CSNK1G1: variants seen among roughly 807,000 people sequenced by gnomAD.
CSNK1G1 encodes casein kinase 1 gamma 1.
In CSNK1G1, 22 loss-of-function variants were observed where a neutral mutation model predicts 59.6. The ratio of observed to expected loss-of-function variants is 0.37; its 90% CI spans 0.26 to 0.53. The LOEUF is 0.53. Among genes scored for constraint, CSNK1G1 ranks in the 20% least tolerant of loss-of-function variants. The probability of loss-of-function intolerance (pLI) is 0.89; values close to 1 mark genes in which losing one functional copy is unlikely to be tolerated. For missense variants in CSNK1G1, 384 were observed against 519.5 expected (o/e 0.74, Z 2.54); for synonymous variants, 179 against 177.1 (o/e 1.01, Z -0.08).
chr15:64,326,424 A>G lies in CSNK1G1; in HGVS notation c.-224-25701T>C, dbSNP rs148365863. Among the ~76,000 whole-genome samples, 1,278 of 152,196 alleles carry G rather than the reference A, an allele frequency of 8.4e-3. 19 individuals carry two copies. Among genetic ancestry groups the G allele is most frequent in the African/African-American group, 0.029 (1,200 of 41,542 alleles). On this transcript the variant is annotated intron_variant, in intron 1 of 11. Transcript: ENST00000303052. ...TTTGAGAGGCCGAGGTGCGCAGATC[A>G]CCCGAGGTCAGGAGTTCGAGATCAG... is the stretch of plus-strand genomic sequence containing the variant.
chr15:64,238,518 A>AAT (rs1212005568), intron 4 of CSNK1G1, among the ~76,000 whole-genome samples: 2,935 of 48,856 alleles, frequency 0.06, 187 homozygotes, highest in East Asian at 0.071. Flanking sequence ...AAAAAAAAAA[A>AAT]ATATATATAT....
chr15:64,325,730 A>T (rs1896803013), intron 1 of CSNK1G1, among the ~76,000 whole-genome samples: 1 of 152,234 alleles, frequency 6.6e-6, no homozygotes, highest in African/African-American at 2.4e-5. Flanking sequence ...AAGACACTTC[A>T]CTTGGACTAT....
chr15:64,249,692 T>TCC (rs749317632), intron 4 of CSNK1G1, among the ~76,000 whole-genome samples: 4 of 152,194 alleles, frequency 2.6e-5, no homozygotes, highest in Non-Finnish European at 2.9e-5. Context: ...GAAAAGCAAT[T>TCC]TGTATAGTCA....
intron 4 of CSNK1G1, among the ~76,000 whole-genome samples, chr15:64,230,300 T>G (rs1005803634): frequency 1.3e-5 from 2 of 151,734 alleles, no homozygotes; most frequent in Non-Finnish European, 2.9e-5. Context: ...TTGCCAGTTT[T>G]GGTTTTTTTT....
chr15:64,191,640 A>T (rs2081972486), intron 10 of CSNK1G1, among the ~76,000 whole-genome samples: 1 of 152,234 alleles, frequency 6.6e-6, no homozygotes, highest in African/African-American at 2.4e-5. Context: ...TAAAAATCAC[A>T]TTCCATCTCC....
chr15:64,191,320 A>G (rs1310353870), intron 10 of CSNK1G1, among the ~76,000 whole-genome samples: 1 of 152,098 alleles, frequency 6.6e-6, no homozygotes, highest in African/African-American at 2.4e-5. Context: ...TCGGCCTCCC[A>G]AAGTGCTAAG....
chr15:64,192,490 A>G (rs1335880843), intron 10 of CSNK1G1, among the ~76,000 whole-genome samples: 1 of 152,236 alleles, frequency 6.6e-6, no homozygotes. Context: ...AAAACACAGA[A>G]GACTGTTGAA....
rs2082097538 is a variant in CSNK1G1, at chr15:64,200,856, T to G, written c.1107+2226A>C. ...CTTTATAGGTGGATAGGCAGATCAT[T>G]TCTATATCTCTGCTACCAATGACAA... On this transcript the variant is annotated intron_variant, in intron 10 of 11. Coordinates refer to ENST00000303052, the MANE Select transcript of CSNK1G1 (RefSeq NM_022048.5). This position sits in a 1 kb window ranked among gnomAD's most constrained non-coding sequence, Gnocchi z 4.3. Among the ~76,000 whole-genome samples, 2 of 152,212 alleles carry G rather than the reference T, an allele frequency of 1.3e-5. No individual in the cohort carries two copies. Among genetic ancestry groups the G allele is most frequent in the South Asian group, 4.1e-4 (2 of 4,828 alleles).
intron 2 of CSNK1G1, among the ~76,000 whole-genome samples, chr15:64,298,849 G>C (rs935853857): frequency 5.3e-5 from 8 of 151,274 alleles, no homozygotes; most frequent in African/African-American, 1.9e-4. Flanking sequence ...TGGCCAATAT[G>C]GCAAGAGCCC....
chr15:64,179,262 A>G (rs1290701397), intron 11 of CSNK1G1, among the ~76,000 whole-genome samples: 4 of 152,152 alleles, frequency 2.6e-5, no homozygotes, highest in Non-Finnish European at 5.9e-5. Context: ...TAAATAAATA[A>G]AAAAGATGGG....
At chr15:64,294,040 G>A (rs541909818) in intron 2 of CSNK1G1, among the ~76,000 whole-genome samples, 3 of 152,126 alleles carry the variant, frequency 2.0e-5, no homozygotes, top group African/African-American at 4.8e-5. Flanking sequence ...TATTTAAGTT[G>A]AAACAAGATG....
At chr15:64,253,984 CA>C (rs1892230821) in intron 3 of CSNK1G1, among the ~76,000 whole-genome samples, 1 of 151,898 alleles carries the variant, frequency 6.6e-6, no homozygotes, top group South Asian at 2.1e-4. Context: ...TACTAAAATA[CA>C]AAAAATGAGC....
At chr15:64,248,964 CA>C (rs1021294721) in intron 4 of CSNK1G1, among the ~76,000 whole-genome samples, 1 of 151,134 alleles carries the variant, frequency 6.6e-6, no homozygotes, top group East Asian at 1.9e-4. Flanking sequence ...ATTAAAATTA[CA>C]AAAAAAAACT....
At chr15:64,294,739 C>T (rs564167832) in intron 2 of CSNK1G1, among the ~76,000 whole-genome samples, 28 of 150,674 alleles carry the variant, frequency 1.9e-4, no homozygotes, top group Non-Finnish European at 3.5e-4. Flanking sequence ...GGTGAAACCC[C>T]GTCTCTACAA....
intron 2 of CSNK1G1, among the ~76,000 whole-genome samples, chr15:64,267,595 C>T (rs1325529575): frequency 1.3e-4 from 20 of 152,068 alleles, no homozygotes; most frequent in Admixed American, 9.8e-4. Context: ...GAAATCAAGT[C>T]GAAACCACAA....
Position 64,199,457 on chromosome 15 carries a change from G to A in CSNK1G1, c.1107+3625C>T, listed in dbSNP as rs572130701. Among the ~76,000 whole-genome samples, 6 of 152,164 alleles carry A rather than the reference G, an allele frequency of 3.9e-5. No homozygotes were observed. In the South Asian group the frequency reaches 6.2e-4, roughly 16 times the overall value. ...CTACTCAGTTTTTACCCTGACAACC[G>A]AAGTTTTCAATCATCTCTTTTCCTC... On this transcript the variant is annotated intron_variant, in intron 10 of 11. Coordinates refer to ENST00000303052, the MANE Select transcript of CSNK1G1 (RefSeq NM_022048.5).
intron 2 of CSNK1G1, among the ~76,000 whole-genome samples, chr15:64,298,916 G>A (rs1895167997): frequency 6.6e-6 from 1 of 151,424 alleles, no homozygotes; most frequent in African/African-American, 2.4e-5. Flanking sequence ...GCACATGCCT[G>A]TAAGTCCCAG....
At chr15:64,270,273 T>C (rs1229674280) in intron 2 of CSNK1G1, among the ~76,000 whole-genome samples, 3 of 152,226 alleles carry the variant, frequency 2.0e-5, no homozygotes, top group Non-Finnish European at 4.4e-5. Flanking sequence ...GTTGATCTTT[T>C]GAATGGTTTT....
chr15:64,204,518 G>C lies in CSNK1G1; in HGVS notation c.922C>G (p.Arg308Gly). The change falls in exon 9 of 12, where the codon CGG becomes GGG. Residue 308 changes from arginine to glycine, a missense_variant. Arg to Gly is a moderately radical substitution (Grantham distance 125). This residue lies in a region of CSNK1G1 where 325 missense variants were observed against 440.9 expected (regional missense o/e 0.74). Transcript: ENST00000303052. Reference sequence around the variant, plus strand: ...TCAAAGAGGTCTGTGAAGAGGGTCCGTAAATACTCATAATCAGGTTTTTCA... The same window carrying C: ...TCAAAGAGGTCTGTGAAGAGGGTCCCTAAATACTCATAATCAGGTTTTTCA... ...FFEKPDYEYL[R>G]TLFTDLFEKK... 6.2e-7 allele frequency: 1 copy of C among 1,613,586 alleles called. No homozygotes were observed. Among genetic ancestry groups the C allele is most frequent in the Non-Finnish European group, 8.5e-7 (1 of 1,179,760 alleles).
Sources: gnomAD v4.1 joint callset for allele counts (sites outside exome capture counted in the v4.1 genomes callset) on GRCh38, gnomAD v4.1.1 for gene constraint, gnomAD v4.1.1 regional missense constraint, Gnocchi (gnomAD v3.1) non-coding constraint, MANE v1.5 for transcripts, NCBI Gene and HGNC (gene_info 2026-07-23, HGNC 2026-07-21) for gene names.